Variants in ZBTB20 observed in about 807,000 individuals in gnomAD.
ZBTB20 encodes the protein zinc finger and BTB domain containing 20.
Under a neutral mutation model 56.9 loss-of-function variants are expected in ZBTB20, and 9 were observed. The ratio of observed to expected loss-of-function variants is 0.16; its 90% CI spans 0.10 to 0.28. The LOEUF is 0.28. Among genes scored for constraint, ZBTB20 ranks in the 10% least tolerant of loss-of-function variants. ZBTB20 has a pLI of 1.00. For missense variants in ZBTB20, 655 were observed against 1,003.0 expected, an observed-to-expected ratio of 0.65 and a Z score of 4.69; for synonymous variants, 417 against 420.7, an observed-to-expected ratio of 0.99 and a Z score of 0.11.
intron 1 of ZBTB20, among the ~76,000 whole-genome samples, chr3:115,101,578 A>G (rs1468523037): frequency 2.0e-5 from 3 of 152,186 alleles, no homozygotes; most frequent in African/African-American, 7.2e-5. Flanking sequence ...TCCTTCTAGC[A>G]CTATTATCTA....
At chr3:114,792,576 T>A (rs1427144566) in intron 5 of ZBTB20, among the ~76,000 whole-genome samples, 8 of 152,166 alleles carry the variant, frequency 5.3e-5, no homozygotes, top group Admixed American at 5.2e-4. Flanking sequence ...ACTCAGATAA[T>A]TATTCTACAG....
chr3:114,929,476 G>A lies in ZBTB20; in HGVS notation c.-455-29134C>T, dbSNP rs1453089999. ...ATTCCAAGATGACAACACAGCAAGA[G>A]CTTAACTATAGATGAAGGAATTCTG... On this transcript the variant is annotated intron_variant, in intron 3 of 11. Transcript: ENST00000675478. Among the ~76,000 whole-genome samples the A allele has an allele frequency of 2.0e-5, 3 of 152,302 alleles. No individual in the cohort carries two copies. The East Asian group carries it at 5.8e-4, about 29-fold the overall frequency.
chr3:114,789,418 T>C (rs1578876840), intron 5 of ZBTB20, among the ~76,000 whole-genome samples: 1 of 152,308 alleles, frequency 6.6e-6, no homozygotes, highest in Middle Eastern at 3.4e-3. Flanking sequence ...AGCGTGCAAC[T>C]AGACTCCATC....
In ZBTB20 at chr3:114,603,436, T is replaced by TA. The variant is rs1183139246; in HGVS notation, c.-295+90091dup. Among the ~76,000 whole-genome samples, 6 of 152,014 alleles carry TA rather than the reference T, an allele frequency of 3.9e-5. No individual in the cohort carries two copies. The East Asian group carries it at 1.2e-3, about 29-fold the overall frequency. Reference sequence around the variant, plus strand: ...ATTCAATGAACCACATCTTTCAATATAAAAAATGAAATTATAAAAGTACTA... The same window carrying TA: ...ATTCAATGAACCACATCTTTCAATATAAAAAAATGAAATTATAAAAGTACTA... On this transcript the variant is annotated intron_variant, in intron 6 of 11. Transcript: ENST00000675478.
intron 6 of ZBTB20, among the ~76,000 whole-genome samples, chr3:114,653,385 A>G (rs1435267296): frequency 6.6e-6 from 1 of 151,882 alleles, no homozygotes; most frequent in Non-Finnish European, 1.5e-5. Flanking sequence ...ATCTATTGAG[A>G]TCATATTTTT....
At chr3:114,749,773 T>C (rs1352967564) in intron 5 of ZBTB20, among the ~76,000 whole-genome samples, 2 of 152,228 alleles carry the variant, frequency 1.3e-5, no homozygotes, top group Non-Finnish European at 2.9e-5. Context: ...TTCCACCTTT[T>C]AACAAGTCAT....
intron 4 of ZBTB20, among the ~76,000 whole-genome samples, chr3:114,844,247 T>G (rs958985122): frequency 1.3e-5 from 2 of 149,496 alleles, no homozygotes; most frequent in African/African-American, 2.5e-5. Context: ...AGAATTCAAA[T>G]TTTTATAAAA....
At chr3:115,146,645 C>T (rs2084984943) in intron 1 of ZBTB20, among the ~76,000 whole-genome samples, 1 of 152,136 alleles carries the variant, frequency 6.6e-6, no homozygotes, top group South Asian at 2.1e-4. Context: ...AGACATCCAG[C>T]GGCTGTGGGG....
At chr3:114,585,919 C>G (rs891532092) in intron 6 of ZBTB20, among the ~76,000 whole-genome samples, 1 of 152,138 alleles carries the variant, frequency 6.6e-6, no homozygotes, top group African/African-American at 2.4e-5. Flanking sequence ...TGCTTTAGCT[C>G]GGAGGAAGGC....
In ZBTB20 at chr3:114,325,290, A is replaced by G. The variant is rs1333061723; in HGVS notation, c.*13715T>C. 1.3e-5 allele frequency: 2 copies of G among 152,180 alleles called. No individual in the cohort carries two copies. The highest frequency in any genetic ancestry group is 1.3e-4 in the Admixed American group (2 of 15,264). 9.4% of individuals were successfully genotyped at this position (152,180 alleles called of 1,614,324 possible). On this transcript the variant is annotated 3_prime_UTR_variant, in exon 12 of 12. Transcript: ENST00000675478. The stretch of plus-strand genomic sequence containing the variant: ...GTAAATCTACAGCTGGTTCCAAATT[A>G]AAGTTTGTCCCAAGGAGAGCAAGAG...
intron 5 of ZBTB20, among the ~76,000 whole-genome samples, chr3:114,788,770 G>C (rs1413498555): frequency 6.6e-6 from 1 of 152,054 alleles, no homozygotes; most frequent in East Asian, 1.9e-4. Flanking sequence ...CCCAAGACTG[G>C]GTAATTATTT....
chr3:114,692,383 AAAC>A (rs1362362076), intron 6 of ZBTB20, among the ~76,000 whole-genome samples: 3 of 152,176 alleles, frequency 2.0e-5, no homozygotes, highest in African/African-American at 4.8e-5. Flanking sequence ...ACAGAATCAG[AAAC>A]AACAACACAG....
chr3:114,787,368 T>TATAC (rs1433434685), intron 5 of ZBTB20, among the ~76,000 whole-genome samples: 2 of 106,312 alleles, frequency 1.9e-5, no homozygotes, highest in Admixed American at 8.5e-5. Context: ...TATATATATA[T>TATAC]ACACACACAC....
intron 2 of ZBTB20, among the ~76,000 whole-genome samples, chr3:115,031,304 G>C (rs1233413121): frequency 6.6e-6 from 1 of 151,208 alleles, no homozygotes; most frequent in Non-Finnish European, 1.5e-5. Context: ...CTCTAACAAA[G>C]GAAAGAATAA....
chr3:114,668,761 T>A (rs2061197823), intron 6 of ZBTB20, among the ~76,000 whole-genome samples: 1 of 151,936 alleles, frequency 6.6e-6, no homozygotes, highest in African/African-American at 2.4e-5. Context: ...ACGAGACCAA[T>A]AAATAAATAA....
At chr3:114,951,906 T>C (rs1560430652) in intron 3 of ZBTB20, among the ~76,000 whole-genome samples, 1 of 151,980 alleles carries the variant, frequency 6.6e-6, no homozygotes, top group Non-Finnish European at 1.5e-5. Context: ...GAAACAGGCT[T>C]AAAACTCAAA....
At chr3:114,513,652 A>G (rs932392163) in intron 6 of ZBTB20, among the ~76,000 whole-genome samples, 1 of 152,166 alleles carries the variant, frequency 6.6e-6, no homozygotes, top group Non-Finnish European at 1.5e-5. Flanking sequence ...TTTTTATGGA[A>G]CAAATTGCTA....
At chr3:114,399,571 T>C (rs1439970330) in intron 7 of ZBTB20, among the ~76,000 whole-genome samples, 1 of 152,112 alleles carries the variant, frequency 6.6e-6, no homozygotes, top group Non-Finnish European at 1.5e-5. Context: ...TGAAGCTAAA[T>C]GGCCTAGATG....
intron 7 of ZBTB20, among the ~76,000 whole-genome samples, chr3:114,390,229 C>A (rs972014602): frequency 1.3e-5 from 2 of 152,174 alleles, no homozygotes; most frequent in Non-Finnish European, 2.9e-5. Context: ...CCCCATATAT[C>A]ATGGATGACC....
Sources: allele counts gnomAD v4.1 joint callset (sites outside exome capture counted in the v4.1 genomes callset), GRCh38; gene constraint gnomAD v4.1.1; transcripts MANE v1.5; gene names NCBI Gene and HGNC (gene_info 2026-07-23, HGNC 2026-07-21).